Variants in DDX11 observed in about 807,000 individuals in gnomAD.
DDX11 encodes the protein ATP-dependent DNA helicase DDX11.
Under a neutral mutation model 125.2 loss-of-function variants are expected in DDX11, and 72 were observed. That is an observed-to-expected ratio of 0.58 (90% CI 0.48 to 0.70). The LOEUF (loss-of-function observed/expected upper bound fraction) is 0.70, where lower values mean the gene tolerates loss of function less well. Among genes scored for constraint, DDX11 ranks in the 30% least tolerant of loss-of-function variants. DDX11 has a pLI of 0.00. For synonymous variants in DDX11, 347 were observed against 452.6 expected (o/e 0.77, Z 2.96); for missense variants, 883 against 1,165.0 (o/e 0.76, Z 3.52).
intron 2 of DDX11, among the ~76,000 whole-genome samples, chr12:31,081,520 G>A (rs982909261): frequency 5.9e-5 from 9 of 151,620 alleles, no homozygotes; most frequent in East Asian, 4.0e-4. Context: ...CTGCAGTTCC[G>A]GGAGTCATCC....
intron 9 of DDX11, 73 bp from the exon 10 acceptor site, chr12:31,091,646 G>T (rs1347546437): frequency 3.9e-5 from 58 of 1,496,904 alleles, no homozygotes; most frequent in Non-Finnish European, 5.1e-5. Context: ...CACATCAGGA[G>T]CTCAGTGTCA....
At chr12:31,087,514 T>C in intron 5 of DDX11, 2 of 323,704 alleles carry the variant, frequency 6.2e-6, no homozygotes, top group Non-Finnish European at 1.2e-5. Flanking sequence ...TTTCTGCTGC[T>C]ATCTCAGAGT....
intron 1 of DDX11, among the ~76,000 whole-genome samples, chr12:31,074,631 G>A (rs1940434618): frequency 6.6e-6 from 1 of 152,200 alleles, no homozygotes; most frequent in Admixed American, 6.5e-5. Flanking sequence ...ACGTTGGAGG[G>A]GACACAGGGC....
chr12:31,091,761 C>G lies in DDX11; in HGVS notation c.1132C>G (p.Arg378Gly). 2 of 1,613,688 alleles carry G rather than the reference C, an allele frequency of 1.2e-6. No homozygotes were observed. The highest frequency in any genetic ancestry group is 1.7e-6 in the Non-Finnish European group (2 of 1,179,832). The change falls in exon 10 of 27, where the codon CGG becomes GGG. Residue 378 changes from arginine to glycine, a missense_variant. Transcript: ENST00000542838. ...PYQMLLHAAT[R>G]QAAGIRLQDQ... The stretch of plus-strand genomic sequence containing the variant: ...TCAGATGCTGCTGCATGCGGCCACT[C>G]GGCAGGCCGCGGGCATCCGGCTGCA...
chr12:31,099,228 C>T (rs1427151571), intron 18 of DDX11, among the ~76,000 whole-genome samples: 1 of 151,558 alleles, frequency 6.6e-6, no homozygotes, highest in Non-Finnish European at 1.5e-5. Context: ...GCTGTGATTA[C>T]AGGCATGTGC....
At chr12:31,091,905 G>A (rs1215733501) in intron 10 of DDX11, 34 bp downstream of exon 10, 1 of 1,613,632 alleles carries the variant, frequency 6.2e-7, no homozygotes, top group Non-Finnish European at 8.5e-7. Flanking sequence ...GCCAGGGCCT[G>A]CTGTGACGTA....
At chr12:31,090,566 A>C (rs1450018834) in intron 9 of DDX11, among the ~76,000 whole-genome samples, 1 of 152,160 alleles carries the variant, frequency 6.6e-6, no homozygotes, top group Non-Finnish European at 1.5e-5. Flanking sequence ...GCAGCACGTG[A>C]GAATACTGTC....
chr12:31,103,666 G>T lies in DDX11; in HGVS notation c.2626G>T (p.Ala876Ser). 6.2e-7 allele frequency: 1 copy of T among 1,614,088 alleles called. No individual in the cohort carries two copies. Among genetic ancestry groups the T allele is most frequent in the Non-Finnish European group, 8.5e-7 (1 of 1,180,026 alleles). The change falls in exon 26 of 27, where the codon GCC becomes TCC. Residue 876 changes from alanine (A) to serine (S), a missense_variant. This residue lies in a region of DDX11 where 285 missense variants were observed against 346.0 expected (regional missense o/e 0.82). Transcript: ENST00000542838. ...ARPPVLAKLP[A>S]WIRARVEVKA... ...GCCCCCTGTCCTGGCCAAGCTGCCG[G>T]CCTGGATCCGAGCCCGTGTGGAGGT...
At chr12:31,103,067 G>A (rs1565938024) in intron 24 of DDX11, 47 bp downstream of exon 24, 2 of 1,596,052 alleles carry the variant, frequency 1.3e-6, no homozygotes, top group Admixed American at 1.7e-5. Flanking sequence ...GTAGGCAGTG[G>A]GTGGGAGTGG....
At chr12:31,093,025 G>A (rs1944511249) in intron 11 of DDX11, 133 bp downstream of exon 11, 11 of 1,047,312 alleles carry the variant, frequency 1.1e-5, no homozygotes, top group East Asian at 2.6e-5. Flanking sequence ...TGCCATTCAT[G>A]TCCTAGGCAC....
At position 31,083,319 on chromosome 12, in the gene DDX11, A is replaced by AAAC. The variant is rs1481195596; in HGVS notation, c.145-492_145-491insCAA. Among the ~76,000 whole-genome samples the AAAC allele has an allele frequency of 9.3e-4, 137 of 147,138 alleles. 1 individual carries two copies. The highest frequency in any genetic ancestry group is 2.4e-3 in the Admixed American group (34 of 14,284). On this transcript the variant is annotated intron_variant, in intron 2 of 26. Transcript: ENST00000542838. Reference sequence around the variant, plus strand: ...CAGAGTGATTAGTTTGCTTAAAAAAAAAAAAACAAAACAAAACACAAACCG... The same window carrying AAAC: ...CAGAGTGATTAGTTTGCTTAAAAAAAAACAAAAAACAAAACAAAACACAAACCG...
At chr12:31,084,844 C>G (rs1286967142) in intron 4 of DDX11, 125 bp from the exon 5 acceptor site, 2 of 1,276,276 alleles carry the variant, frequency 1.6e-6, no homozygotes, top group Non-Finnish European at 2.2e-6. Flanking sequence ...GAGTCGACCT[C>G]TCTCCAGCCA....
At chr12:31,074,697 G>T (rs530630240) in intron 1 of DDX11, among the ~76,000 whole-genome samples, 27 of 152,374 alleles carry the variant, frequency 1.8e-4, no homozygotes, top group Admixed American at 1.8e-3. Flanking sequence ...AGCTGGTGGA[G>T]CACCGCAGTA....
At chr12:31,098,938 C>T (rs1053527361) in intron 18 of DDX11, among the ~76,000 whole-genome samples, 9 of 152,090 alleles carry the variant, frequency 5.9e-5, no homozygotes, top group African/African-American at 2.2e-4. Flanking sequence ...TTTCTCCAAG[C>T]TGCTCTGGTT....
chr12:31,078,612 CCAGAGATTTT>C, intron 2 of DDX11, 75 bp downstream of exon 2: 1 of 1,607,358 alleles, frequency 6.2e-7, no homozygotes, highest in Non-Finnish European at 8.5e-7. Context: ...GTTTGCCTAT[CCAGAGATTTT>C]CATAGTTTGA....
intron 1 of DDX11, chr12:31,078,123 T>A: frequency 8.4e-7 from 1 of 1,191,792 alleles, no homozygotes; most frequent in Non-Finnish European, 1.2e-6. Context: ...GGAGCCACGG[T>A]GAAATGCAGG....
rs1366345983 is a variant in DDX11, at chr12:31,103,698, T to C, written c.2658T>C (p.Ala886=). Residue 886 remains alanine, a synonymous_variant, in exon 26 of 27, where the codon GCT becomes GCC. Coordinates refer to ENST00000542838, the MANE Select transcript of DDX11 (RefSeq NM_030653.4). ...AWIRARVEVK[A]TFGPAIAAVQ... is the part of the protein sequence containing the mutation. ...TCCGAGCCCGTGTGGAGGTCAAAGC[T>C]ACCTTTGGCCCCGCCATTGCTGCTG... 6.2e-7 allele frequency: 1 copy of C among 1,614,000 alleles called. No homozygotes were observed. The highest frequency in any genetic ancestry group is 1.1e-5 in the South Asian group (1 of 91,058).
chr12:31,084,446 C>T lies in DDX11; in HGVS notation c.394-137C>T, dbSNP rs1368563625. ...AGGGATGAGGTCCCGGGAGGGGATG[C>T]GGCAGCCCTTGAGTGCTGGCCGGGG... On this transcript the variant is annotated intron_variant, in intron 3 of 26. Transcript: ENST00000542838. The T allele has an allele frequency of 2.2e-5, 18 of 828,544 alleles. No homozygotes were observed. The South Asian group carries it at 2.3e-4, about 11-fold the overall frequency. The allele number at this position is 828,544 out of a possible 1,614,324, so 51.3% of individuals were successfully genotyped here. A position where few individuals can be genotyped will look rare whatever the true frequency, so the allele number is the denominator to read the frequency against.
chr12:31,094,240 C>G (rs2140874021), intron 12 of DDX11: 1 of 354,056 alleles, frequency 2.8e-6, no homozygotes, highest in Non-Finnish European at 5.5e-6. Context: ...GCCACCAGCT[C>G]TGCTTTGCCT....
Sources: gnomAD v4.1 joint callset for allele counts (sites outside exome capture counted in the v4.1 genomes callset) on GRCh38, gnomAD v4.1.1 for gene constraint, gnomAD v4.1.1 regional missense constraint, MANE v1.5 for transcripts, NCBI Gene and HGNC (gene_info 2026-07-23, HGNC 2026-07-21) for gene names.